Variants in SAMM50 observed in about 807,000 individuals in gnomAD.
SAMM50 encodes SAMM50 sorting and assembly machinery component.
A neutral mutation model predicts 66.9 loss-of-function variants in SAMM50; 47 were observed. The observed-to-expected ratio is 0.70, with a 90% CI of 0.56 to 0.90. The LOEUF is 0.90. SAMM50 is among the 40% of genes least tolerant of loss of function. The pLI is 0.00. For missense variants in SAMM50, 535 were observed against 595.3 expected, an observed-to-expected ratio of 0.90 and a Z score of 1.05; for synonymous variants, 191 against 214.1, an observed-to-expected ratio of 0.89 and a Z score of 0.94.
In SAMM50 at chr22:43,961,332, G is replaced by A. The variant is rs114595459; in HGVS notation, c.22-1954G>A. Among the ~76,000 whole-genome samples the A allele has an allele frequency of 3.6e-3, 543 of 152,284 alleles. 3 individuals are homozygous for A. The highest frequency in any genetic ancestry group is 0.012 in the African/African-American group (519 of 41,556). On this transcript the variant is annotated intron_variant, in intron 1 of 14. Coordinates refer to ENST00000350028, the MANE Select transcript of SAMM50 (RefSeq NM_015380.5). ...CTCTAAGAGGTGACTGGGAATCCTC[G>A]TGTGGTTAAGCATGTGTCCCAGAGA...
chr22:43,989,060 A>AT, intron 12 of SAMM50, 51 bp from the exon 13 acceptor site: 1 of 1,579,430 alleles, frequency 6.3e-7, no homozygotes, highest in Non-Finnish European at 8.6e-7. Flanking sequence ...AGTTAACGTG[A>AT]TGTTAACCTT....
intron 13 of SAMM50, among the ~76,000 whole-genome samples, chr22:43,989,628 G>A (rs527939490): frequency 6.6e-6 from 1 of 152,254 alleles, no homozygotes; most frequent in East Asian, 1.9e-4. Context: ...GTGAGCCACC[G>A]TGCCAGGCCA....
chr22:43,966,898 T>C (rs1476869555), intron 3 of SAMM50, among the ~76,000 whole-genome samples: 1 of 152,208 alleles, frequency 6.6e-6, no homozygotes, highest in Non-Finnish European at 1.5e-5. Context: ...TGGCTTTTGT[T>C]GATTTGCAAT....
In SAMM50 at chr22:43,990,298, C is replaced by CTGAG. The variant is rs1569036298; in HGVS notation, c.1259_1262dup (p.Cys421Ter). On this transcript the variant is annotated frameshift_variant, in exon 14 of 15. Transcript: ENST00000350028. LOFTEE classifies it high-confidence loss of function. Reference sequence around the variant, plus strand: ...CCCAAAGCTCATATTCGTAAGCTGGCTGAGTGCATCCGCTGGTCGTACGGG... The same window carrying CTGAG: ...CCCAAAGCTCATATTCGTAAGCTGGCTGAGTGAGTGCATCCGCTGGTCGTACGGG... 1 of 1,614,174 alleles carries CTGAG rather than the reference C, an allele frequency of 6.2e-7. No individual in the cohort carries two copies.
At position 43,972,308 on chromosome 22, in the gene SAMM50, A is replaced by G. The variant is rs371184429; in HGVS notation, c.395A>G (p.Tyr132Cys). The G allele has an allele frequency of 1.2e-6, 2 of 1,606,282 alleles. No homozygotes were observed. The highest frequency in any genetic ancestry group is 8.5e-7 in the Non-Finnish European group (1 of 1,177,718). ...VTELRRLTGS[Y>C]NTMVGNNEGS... Reference sequence around the variant, plus strand: ...GAATTGAGGAGATTAACGGGCAGTTATAACACCATGGTTGGAAACAATGAA... The same window carrying G: ...GAATTGAGGAGATTAACGGGCAGTTGTAACACCATGGTTGGAAACAATGAA... Residue 132 changes from tyrosine to cysteine, a missense_variant, in exon 5 of 15, where the codon TAT becomes TGT. Coordinates refer to ENST00000350028, the MANE Select transcript of SAMM50 (RefSeq NM_015380.5).
At chr22:43,955,632 C>T (rs772485401) in intron 1 of SAMM50, 34 bp downstream of exon 1, 20 of 1,570,102 alleles carry the variant, frequency 1.3e-5, no homozygotes, top group Non-Finnish European at 1.6e-5. Context: ...GCTGCGAGGC[C>T]TCTGGGCCAG....
chr22:43,970,272 C>T (rs1289742292), intron 4 of SAMM50, among the ~76,000 whole-genome samples: 2 of 151,232 alleles, frequency 1.3e-5, no homozygotes, highest in African/African-American at 2.4e-5. Flanking sequence ...TCTCTGAAGT[C>T]ACCTTGGGCT....
intron 1 of SAMM50, among the ~76,000 whole-genome samples, chr22:43,960,746 A>T (rs1183895384): frequency 6.6e-6 from 1 of 152,102 alleles, no homozygotes; most frequent in African/African-American, 2.4e-5. Context: ...AAAAAGAAAC[A>T]GAAGGGGTAC....
At chr22:43,960,543 A>G (rs982349704) in intron 1 of SAMM50, among the ~76,000 whole-genome samples, 2 of 152,132 alleles carry the variant, frequency 1.3e-5, no homozygotes, top group African/African-American at 4.8e-5. Context: ...AGCCTGACCA[A>G]CATGGCGAAA....
In SAMM50 at chr22:43,990,432, A is replaced by G. The variant is rs1242874621; in HGVS notation, c.1364+26A>G. On this transcript the variant is annotated intron_variant, in intron 14 of 14. Coordinates refer to ENST00000350028, the MANE Select transcript of SAMM50 (RefSeq NM_015380.5). ...GTACGTGTTGGGAATTATTTTCCAC[A>G]ATCACATCCCACTCTCCAGTAATTT... 1.9e-6 allele frequency: 3 copies of G among 1,606,914 alleles called. No individual in the cohort carries two copies. In the African/African-American group the frequency reaches 4.0e-5, roughly 22 times the overall value.
chr22:43,968,607 C>A, intron 3 of SAMM50, 124 bp from the exon 4 acceptor site: 1 of 691,892 alleles, frequency 1.4e-6, no homozygotes, highest in South Asian at 1.7e-5. Context: ...CTTGGTAGTG[C>A]TCTCTGCTCA....
chr22:43,973,068 G>C (rs1230339727), intron 6 of SAMM50, 67 bp downstream of exon 6: 2 of 1,551,940 alleles, frequency 1.3e-6, no homozygotes, highest in Non-Finnish European at 1.7e-6. Flanking sequence ...TGGCTTATTT[G>C]TGAAAAGAAC....
intron 4 of SAMM50, among the ~76,000 whole-genome samples, chr22:43,970,018 A>G (rs1337822114): frequency 6.6e-6 from 1 of 152,202 alleles, no homozygotes; most frequent in Non-Finnish European, 1.5e-5. Context: ...CAATATAGGA[A>G]AATGCTTGCA....
chr22:43,990,326 C>G lies in SAMM50; in HGVS notation c.1284C>G (p.Ala428=). 1.2e-6 allele frequency: 2 copies of G among 1,614,112 alleles called. No individual in the cohort carries two copies. Among genetic ancestry groups the G allele is most frequent in the Non-Finnish European group, 8.5e-7 (1 of 1,180,002 alleles). Reference sequence around the variant, plus strand: ...AGTGCATCCGCTGGTCGTACGGGGCCGGGATTGTCCTCAGGCTTGGCAACA... The same window carrying G: ...AGTGCATCCGCTGGTCGTACGGGGCGGGGATTGTCCTCAGGCTTGGCAACA... ...LAECIRWSYG[A]GIVLRLGNIA... is the part of the protein sequence containing the mutation. The change falls in exon 14 of 15, where the codon GCC becomes GCG. Residue 428 remains alanine (A), a synonymous_variant. Coordinates refer to ENST00000350028, the MANE Select transcript of SAMM50 (RefSeq NM_015380.5).
intron 4 of SAMM50, 146 bp downstream of exon 4, chr22:43,968,964 G>A (rs1048191793): frequency 2.2e-5 from 13 of 601,974 alleles, no homozygotes; most frequent in African/African-American, 3.7e-5. Flanking sequence ...TAGTCCTTGA[G>A]TTAGCAGTCT....
intron 1 of SAMM50, among the ~76,000 whole-genome samples, chr22:43,956,724 T>C (rs2146802465): frequency 6.6e-6 from 1 of 152,274 alleles, no homozygotes; most frequent in African/African-American, 2.4e-5. Flanking sequence ...GGTGAAGTTA[T>C]GGGACAGGGA....
chr22:43,964,640 C>T (rs534002102), intron 3 of SAMM50, 87 bp downstream of exon 3: 58 of 709,870 alleles, frequency 8.2e-5, no homozygotes, highest in East Asian at 1.7e-4. Flanking sequence ...GAGCACCCTG[C>T]GCCCGGCCTC....
intron 14 of SAMM50, 91 bp downstream of exon 14, chr22:43,990,497 T>A: frequency 2.4e-6 from 3 of 1,252,496 alleles, no homozygotes; most frequent in South Asian, 1.3e-5. Flanking sequence ...TAGTGGCTTT[T>A]AAGCTTGAAG....
At chr22:43,969,766 C>T (rs560416562) in intron 4 of SAMM50, among the ~76,000 whole-genome samples, 1 of 152,178 alleles carries the variant, frequency 6.6e-6, no homozygotes, top group East Asian at 1.9e-4. Flanking sequence ...GAGAGTGGCT[C>T]GCTGGGTGGA....
Sources: allele counts gnomAD v4.1 joint callset (sites outside exome capture counted in the v4.1 genomes callset), GRCh38; gene constraint gnomAD v4.1.1; transcripts MANE v1.5; gene names NCBI Gene and HGNC (gene_info 2026-07-23, HGNC 2026-07-21).